Variants in SMYD4 observed in about 807,000 individuals in gnomAD.
The protein encoded by SMYD4 is SET and MYND domain containing 4.
Under a neutral mutation model 72.8 loss-of-function variants are expected in SMYD4, and 68 were observed. That is an observed-to-expected ratio of 0.93 (90% CI 0.77 to 1.14). The LOEUF (loss-of-function observed/expected upper bound fraction) is 1.14, where lower values mean the gene tolerates loss of function less well. Ranked by LOEUF, SMYD4 falls within the 50% of genes most tolerant of loss-of-function variation. SMYD4 has a pLI of 0.00. For synonymous variants in SMYD4, 407 were observed against 388.6 expected, an observed-to-expected ratio of 1.05 and a Z score of -0.56; for missense variants, 984 against 1,003.7, an observed-to-expected ratio of 0.98 and a Z score of 0.27.
At chr17:1,817,904 A>G (rs903136605) in intron 2 of SMYD4, among the ~76,000 whole-genome samples, 9 of 151,918 alleles carry the variant, frequency 5.9e-5, no homozygotes, top group Non-Finnish European at 8.8e-5. Context: ...AAAATTAGCC[A>G]GGCGTGGTGG....
intron 5 of SMYD4, among the ~76,000 whole-genome samples, chr17:1,791,280 C>T (rs1194066000): frequency 6.6e-6 from 1 of 151,956 alleles, no homozygotes; most frequent in Admixed American, 6.6e-5. Flanking sequence ...GAGACAGAAC[C>T]ACACGTGTCA....
chr17:1,809,327 A>C (rs1910202234), intron 3 of SMYD4, among the ~76,000 whole-genome samples: 1 of 152,118 alleles, frequency 6.6e-6, no homozygotes, highest in Non-Finnish European at 1.5e-5. Flanking sequence ...CTTACTATGA[A>C]AGCAGGACAA....
Position 1,784,438 on chromosome 17 carries a change from G to A in SMYD4, c.1908C>T (p.Gly636=). The A allele has an allele frequency of 6.2e-7, 1 of 1,614,184 alleles. No homozygotes were observed. The highest frequency in any genetic ancestry group is 1.1e-5 in the South Asian group (1 of 91,084). ...CGGCGGATTCTGCACAAGATCTGCT[G>A]CCACAGCGCAGCACGTCATCTCCCT... ...PMQGDDVLRC[G]SRSCAESAVS... is the part of the protein sequence containing the mutation. Residue 636 remains glycine (G), a synonymous_variant, in exon 8 of 11, where the codon GGC becomes GGT. Coordinates refer to ENST00000305513, the MANE Select transcript of SMYD4 (RefSeq NM_052928.3).
rs1303102259 is a variant in SMYD4, at chr17:1,787,426, G to C, written c.1716C>G (p.Cys572Trp). The C allele has an allele frequency of 2.6e-6, 4 of 1,555,714 alleles. No homozygotes were observed. Among genetic ancestry groups the C allele is most frequent in the Non-Finnish European group, 3.5e-6 (4 of 1,149,800 alleles). The change falls in exon 6 of 11, where the codon TGC becomes TGG. Residue 572 changes from cysteine to tryptophan, a missense_variant. Transcript: ENST00000305513. ...CAGTGCGGAGGGATGGCTCACCATA[G>C]CAGTGGAGAATCTCTTGCCCCTTTC... ...RIRKGQEILHCYGPHKSRMGV... is the reference protein window; with the variant it reads ...RIRKGQEILHWYGPHKSRMGV...
chr17:1,786,875 G>A lies in SMYD4; in HGVS notation c.1819C>T (p.His607Tyr), dbSNP rs1311098666. ...CACCTGGGCCCTGCAGCCATCCTGTGTGCCTCAGTTTGACAAGCTGGACAG... is the reference window on the plus strand; with the variant it reads ...CACCTGGGCCCTGCAGCCATCCTGTATGCCTCAGTTTGACAAGCTGGACAG... ...CACPACQTEA[H>Y]RMAAGPRWEA... is the part of the protein sequence containing the mutation. The change falls in exon 7 of 11, where the codon CAC becomes TAC. Residue 607 changes from histidine (H) to tyrosine (Y), a missense_variant. By Grantham distance (83) the His-to-Tyr change is moderately conservative. Transcript: ENST00000305513. 1.9e-6 allele frequency: 3 copies of A among 1,614,100 alleles called. No individual in the cohort carries two copies. The highest frequency in any genetic ancestry group is 1.7e-5 in the Admixed American group (1 of 59,998).
At chr17:1,791,545 A>T (rs960932376) in intron 5 of SMYD4, among the ~76,000 whole-genome samples, 8 of 152,300 alleles carry the variant, frequency 5.3e-5, no homozygotes, top group African/African-American at 1.9e-4. Context: ...AAAGGGATAT[A>T]ACAAGATTAG....
intron 2 of SMYD4, among the ~76,000 whole-genome samples, chr17:1,821,376 C>T (rs1242015254): frequency 1.3e-5 from 2 of 151,588 alleles, no homozygotes; most frequent in African/African-American, 2.4e-5. Flanking sequence ...TAGCTGGGCG[C>T]GGTGGTGCAT....
chr17:1,807,092 G>A (rs1244552215), intron 3 of SMYD4, among the ~76,000 whole-genome samples: 1 of 151,834 alleles, frequency 6.6e-6, no homozygotes, highest in South Asian at 2.1e-4. Context: ...GTTTCACCAC[G>A]TTGGCAAGGC....
At chr17:1,794,079 G>GTGTGTATATATATATATGTGTATATATA (rs1909238086) in intron 5 of SMYD4, among the ~76,000 whole-genome samples, 1 of 23,054 alleles carries the variant, frequency 4.3e-5, no homozygotes, top group East Asian at 8.3e-4. Flanking sequence ...GTATATATAT[G>GTGTGTATATATATATATGTGTATATATA]TGTATATATA....
intron 2 of SMYD4, chr17:1,814,669 CAAAAATTA>C: frequency 6.6e-6 from 1 of 152,076 alleles, no homozygotes; most frequent in South Asian, 2.1e-4. Context: ...ACAAAAAATA[CAAAAATTA>C]GCCGGGCGTG....
At chr17:1,828,293 G>T (rs1911310255) in intron 1 of SMYD4, among the ~76,000 whole-genome samples, 1 of 151,210 alleles carries the variant, frequency 6.6e-6, no homozygotes, top group Non-Finnish European at 1.5e-5. Flanking sequence ...GGAGGTTGCA[G>T]TGAGCTGAGA....
chr17:1,808,250 A>G (rs979503879), intron 3 of SMYD4, among the ~76,000 whole-genome samples: 1 of 152,206 alleles, frequency 6.6e-6, no homozygotes, highest in Non-Finnish European at 1.5e-5. Flanking sequence ...GAAATCAAGT[A>G]CGGTTTTTTC....
chr17:1,785,290 G>A (rs1295637249), intron 7 of SMYD4, among the ~76,000 whole-genome samples: 4 of 150,288 alleles, frequency 2.7e-5, no homozygotes, highest in African/African-American at 9.7e-5. Context: ...GGGCATGGTG[G>A]TGGCGGGCGC....
rs73295073 is a variant in SMYD4, at chr17:1,799,814, C to A, written c.1537+43G>T. ...GTTTCTTCTCAAACACCTGCTCCAT[C>A]GAGAACAATATTGAAAAGCAGGAAC... On this transcript the variant is annotated intron_variant, in intron 5 of 10. Coordinates refer to ENST00000305513, the MANE Select transcript of SMYD4 (RefSeq NM_052928.3). 6.7e-5 allele frequency: 101 copies of A among 1,500,882 alleles called. 1 individual carries two copies. The highest frequency in any genetic ancestry group is 8.9e-5 in the Non-Finnish European group (100 of 1,125,732). The allele number at this position is 1,500,882 out of a possible 1,614,324, so 93.0% of individuals were successfully genotyped here.
At chr17:1,813,182 G>A (rs564538743) in intron 2 of SMYD4, among the ~76,000 whole-genome samples, 102 of 152,142 alleles carry the variant, frequency 6.7e-4, no homozygotes, top group African/African-American at 2.3e-3. Context: ...CAAGTGATCC[G>A]CCTGCCTGGG....
intron 8 of SMYD4, 44 bp from the exon 9 acceptor site, chr17:1,783,520 A>C: frequency 6.4e-7 from 1 of 1,558,308 alleles, no homozygotes; most frequent in Non-Finnish European, 8.7e-7. Context: ...ACAGAAGCCC[A>C]GTCCTAGGAA....
chr17:1,784,527 A>G, intron 7 of SMYD4, 66 bp from the exon 8 acceptor site: 1 of 1,597,326 alleles, frequency 6.3e-7, no homozygotes, highest in Non-Finnish European at 8.5e-7. Context: ...CTGTGCTTAC[A>G]TTACAGGACT....
chr17:1,826,708 C>A (rs1180762859), intron 2 of SMYD4, among the ~76,000 whole-genome samples: 1 of 152,038 alleles, frequency 6.6e-6, no homozygotes, highest in African/African-American at 2.4e-5. Flanking sequence ...TCTGGATCTG[C>A]AAATATATAA....
intron 6 of SMYD4, 32 bp from the exon 7 acceptor site, chr17:1,787,005 A>T: frequency 6.5e-7 from 1 of 1,528,206 alleles, no homozygotes; most frequent in Non-Finnish European, 8.8e-7. Context: ...CCAATATTGA[A>T]AGCAAGAGAG....
Sources: allele counts gnomAD v4.1 joint callset (sites outside exome capture counted in the v4.1 genomes callset), GRCh38; gene constraint gnomAD v4.1.1; transcripts MANE v1.5; gene names NCBI Gene and HGNC (gene_info 2026-07-23, HGNC 2026-07-21).